The following ANKRD42 variants were observed in gnomAD, a reference collection of about 807,000 sequenced individuals.
The protein encoded by ANKRD42 is ankyrin repeat domain 42.
Under a neutral mutation model 51.5 loss-of-function variants are expected in ANKRD42, and 43 were observed. The ratio of observed to expected loss-of-function variants is 0.83; its 90% CI spans 0.65 to 1.08. The LOEUF is 1.08. ANKRD42 is among the 50% of genes least tolerant of loss of function. The probability of loss-of-function intolerance (pLI) is 0.00; values close to 1 mark genes in which losing one functional copy is unlikely to be tolerated. For missense variants in ANKRD42, 608 were observed against 629.3 expected (o/e 0.97, Z 0.36); for synonymous variants, 203 against 213.0 (o/e 0.95, Z 0.41).
At position 83,248,593 on chromosome 11, in the gene ANKRD42, A is replaced by C; in HGVS notation, c.*389A>C. Reference sequence around the variant, plus strand: ...GTTTCTTCATCAATCATCATGGATGAATTAATTCTGTTTGAGGCTTGTGTC... The same window carrying C: ...GTTTCTTCATCAATCATCATGGATGCATTAATTCTGTTTGAGGCTTGTGTC... On this transcript the variant is annotated 3_prime_UTR_variant, in exon 11 of 11. Transcript: ENST00000533342. 2.0e-6 allele frequency: 2 copies of C among 988,188 alleles called. No homozygotes were observed. The highest frequency in any genetic ancestry group is 2.4e-6 in the Non-Finnish European group (2 of 831,852). 61.2% of individuals were successfully genotyped at this position (988,188 alleles called of 1,614,324 possible). A position where few individuals can be genotyped will look rare whatever the true frequency, so the allele number is the denominator to read the frequency against.
intron 5 of ANKRD42, among the ~76,000 whole-genome samples, chr11:83,212,157 C>G (rs1407930354): frequency 6.6e-6 from 1 of 151,942 alleles, no homozygotes; most frequent in Non-Finnish European, 1.5e-5. Flanking sequence ...GCTCTCAGCT[C>G]ACTGCAACCT....
chr11:83,228,532 T>A (rs1862969400), intron 7 of ANKRD42, among the ~76,000 whole-genome samples: 1 of 152,148 alleles, frequency 6.6e-6, no homozygotes, highest in African/African-American at 2.4e-5. Context: ...CCTGGCCTGA[T>A]GGCAGGTGAT....
At chr11:83,234,314 A>T (rs1863164718) in intron 7 of ANKRD42, among the ~76,000 whole-genome samples, 1 of 152,028 alleles carries the variant, frequency 6.6e-6, no homozygotes, top group African/African-American at 2.4e-5. Flanking sequence ...TTTAGTTTTA[A>T]TTTCATTTAG....
downstream of ANKRD42, among the ~76,000 whole-genome samples, chr11:83,249,148 G>T (rs577275282): frequency 6.6e-6 from 1 of 152,210 alleles, no homozygotes; most frequent in African/African-American, 2.4e-5. Flanking sequence ...CTTGTGGCAG[G>T]GACTCTGTGA....
chr11:83,222,361 TA>T (rs1234442536), intron 5 of ANKRD42, among the ~76,000 whole-genome samples: 7 of 152,092 alleles, frequency 4.6e-5, no homozygotes, highest in Admixed American at 1.3e-4. Context: ...TTACAGCAAA[TA>T]AAAGACAAAG....
Position 83,224,892 on chromosome 11 carries a change from C to G in ANKRD42, c.624C>G (p.Phe208Leu), listed in dbSNP as rs774070262. ...CCATGGAAGGCCACCTTCACTGTTTCAAATTCCTAGTCAGTAGAATGAGCA... is the reference window on the plus strand; with the variant it reads ...CCATGGAAGGCCACCTTCACTGTTTGAAATTCCTAGTCAGTAGAATGAGCA... The part of the protein sequence containing the change: ...LAAMEGHLHC[F>L]KFLVSRMSSA... Residue 208 changes from phenylalanine to leucine, a missense_variant, in exon 6 of 11, where the codon TTC (phenylalanine) becomes TTG (leucine). By Grantham distance (22) the Phe-to-Leu change is conservative. Coordinates refer to ENST00000533342, the MANE Select transcript of ANKRD42 (RefSeq NM_001300975.2). 2 of 1,606,582 alleles carry G rather than the reference C, an allele frequency of 1.2e-6. No homozygotes were observed. The highest frequency in any genetic ancestry group is 8.5e-7 in the Non-Finnish European group (1 of 1,175,316).
chr11:83,206,312 T>TA (rs772775780), intron 3 of ANKRD42, 147 bp downstream of exon 3: 2 of 638,758 alleles, frequency 3.1e-6, no homozygotes, highest in Non-Finnish European at 5.3e-6. Context: ...GATATTCTGA[T>TA]ACCAGCTATC....
At chr11:83,203,857 T>C (rs545006415) in intron 2 of ANKRD42, among the ~76,000 whole-genome samples, 1 of 152,324 alleles carries the variant, frequency 6.6e-6, no homozygotes, top group Admixed American at 6.5e-5. Context: ...TCAGATGAAA[T>C]CTGCTATTGA....
chr11:83,205,914 T>C lies in ANKRD42; in HGVS notation c.223-144T>C. The C allele has an allele frequency of 4.7e-6, 3 of 641,512 alleles. No individual in the cohort carries two copies. The South Asian group carries it at 6.0e-5, about 13-fold the overall frequency. 39.7% of individuals were successfully genotyped at this position (641,512 alleles called of 1,614,324 possible). On this transcript the variant is annotated intron_variant, in intron 2 of 10. Transcript: ENST00000533342. ...GTGAGGCCAAATGTTGGTTGCCATG[T>C]CACTGTGCTTGTGCTTTTGTTTTTC...
chr11:83,232,872 T>C (rs1409205318), intron 7 of ANKRD42, among the ~76,000 whole-genome samples: 2 of 152,236 alleles, frequency 1.3e-5, no homozygotes, highest in Non-Finnish European at 2.9e-5. Flanking sequence ...TCTATTGATA[T>C]GTATCATATT....
chr11:83,194,493 C>A lies in ANKRD42; in HGVS notation c.-178C>A, dbSNP rs945065601. 2.4e-5 allele frequency: 17 copies of A among 718,470 alleles called. No homozygotes were observed. Among genetic ancestry groups the A allele is most frequent in the Non-Finnish European group, 4.0e-5 (16 of 398,938 alleles). The allele number at this position is 718,470 out of a possible 1,614,324, so 44.5% of individuals were successfully genotyped here. A position where few individuals can be genotyped will look rare whatever the true frequency, so the allele number is the denominator to read the frequency against. ...GCTTTTGGGAGAGAGAAAGTGAAGA[C>A]GAAGGTTTCCGCTGCAGCTTCTGGG... is the stretch of plus-strand genomic sequence containing the variant. On this transcript the variant is annotated 5_prime_UTR_variant, in exon 1 of 11. Coordinates refer to ENST00000533342, the MANE Select transcript of ANKRD42 (RefSeq NM_001300975.2).
At chr11:83,258,733 T>C (rs1161175367), downstream of ANKRD42, among the ~76,000 whole-genome samples, 2 of 152,212 alleles carry the variant, frequency 1.3e-5, no homozygotes, top group Admixed American at 6.5e-5. Flanking sequence ...CTGCCCTTTT[T>C]TTAAATATTA....
downstream of ANKRD42, chr11:83,257,373 A>G (rs1863792348): frequency 4.4e-6 from 2 of 452,138 alleles, no homozygotes; most frequent in Admixed American, 2.4e-5. Flanking sequence ...AGCTGGAGGG[A>G]AAGGAAGAGA....
At chr11:83,224,593 T>G (rs548487743) in intron 5 of ANKRD42, among the ~76,000 whole-genome samples, 2 of 152,306 alleles carry the variant, frequency 1.3e-5, no homozygotes, top group South Asian at 4.1e-4. Context: ...ATGTGTTATT[T>G]CTTTTTTCAA....
At chr11:83,212,348 T>A (rs570108202) in intron 5 of ANKRD42, among the ~76,000 whole-genome samples, 1 of 152,344 alleles carries the variant, frequency 6.6e-6, no homozygotes, top group South Asian at 2.1e-4. Context: ...CCCAAAGTGC[T>A]GGGATTGCAG....
At chr11:83,243,258 C>A (rs1489793759) in intron 9 of ANKRD42, among the ~76,000 whole-genome samples, 2 of 152,094 alleles carry the variant, frequency 1.3e-5, no homozygotes, top group African/African-American at 4.8e-5. Context: ...TGCTTGTTGT[C>A]CATGTGTATG....
intron 5 of ANKRD42, among the ~76,000 whole-genome samples, chr11:83,211,829 C>A: frequency 6.6e-6 from 1 of 151,992 alleles, no homozygotes; most frequent in East Asian, 1.9e-4. Flanking sequence ...ACATTGAAAC[C>A]AATTGTTTTG....
intron 9 of ANKRD42, among the ~76,000 whole-genome samples, chr11:83,242,603 G>A (rs898498909): frequency 2.7e-5 from 2 of 73,466 alleles, no homozygotes; most frequent in East Asian, 3.8e-4. Context: ...GTCTCACTCC[G>A]TCGCCAGGCT....
downstream of ANKRD42, among the ~76,000 whole-genome samples, chr11:83,252,930 G>A (rs1863700268): frequency 6.6e-6 from 1 of 152,146 alleles, no homozygotes; most frequent in Non-Finnish European, 1.5e-5. Flanking sequence ...AGAGAGTTAT[G>A]TAGCACTGAA....
Sources: gnomAD v4.1 joint callset for allele counts (sites outside exome capture counted in the v4.1 genomes callset) on GRCh38, gnomAD v4.1.1 for gene constraint, MANE v1.5 for transcripts, NCBI Gene and HGNC (gene_info 2026-07-23, HGNC 2026-07-21) for gene names.